NTRK1: variants seen among roughly 807,000 people sequenced by gnomAD.
NTRK1 encodes high affinity nerve growth factor receptor.
A neutral mutation model predicts 86.8 loss-of-function variants in NTRK1; 62 were observed. The ratio of observed to expected loss-of-function variants is 0.71; its 90% CI spans 0.58 to 0.88. NTRK1 has a LOEUF of 0.88. NTRK1 is among the 40% of genes least tolerant of loss of function. The pLI is 0.00. For synonymous variants in NTRK1, 469 were observed against 456.6 expected (o/e 1.03, Z -0.35); for missense variants, 967 against 1,078.4 (o/e 0.90, Z 1.45).
chr1:156,848,030 T>C (rs1655071008), intron 2 of NTRK1, among the ~76,000 whole-genome samples: 1 of 152,168 alleles, frequency 6.6e-6, no homozygotes, highest in Non-Finnish European at 1.5e-5. Flanking sequence ...ATGTGAATTC[T>C]TGGGCCCTGC....
intron 1 of NTRK1, among the ~76,000 whole-genome samples, chr1:156,823,681 G>T (rs910808178): frequency 1.3e-5 from 2 of 152,174 alleles, no homozygotes; most frequent in East Asian, 3.8e-4. Flanking sequence ...CAGGTATAGG[G>T]CTCAGTATCA....
chr1:156,866,567 C>T (rs1291236828), intron 3 of NTRK1, among the ~76,000 whole-genome samples: 1 of 152,204 alleles, frequency 6.6e-6, no homozygotes, highest in East Asian at 1.9e-4. Flanking sequence ...CACAGATGGA[C>T]CCCTTCCCCC....
At chr1:156,859,508 C>T (rs1002000706), upstream of NTRK1, among the ~76,000 whole-genome samples, 6 of 152,156 alleles carry the variant, frequency 3.9e-5, no homozygotes, top group Non-Finnish European at 7.4e-5. This position sits in a 1 kb window ranked among gnomAD's most constrained non-coding sequence, Gnocchi z 6.2. Flanking sequence ...CCCGGGAGAA[C>T]GTGGACAGCC....
At chr1:156,845,869 C>G (rs1218396386) in intron 2 of NTRK1, 8 of 1,597,738 alleles carry the variant, frequency 5.0e-6, no homozygotes, top group Non-Finnish European at 6.8e-6. Flanking sequence ...CGCCTCTGAT[C>G]CCCCCCACCT....
At chr1:156,860,023 G>A (rs1655557425), upstream of NTRK1, among the ~76,000 whole-genome samples, 1 of 152,222 alleles carries the variant, frequency 6.6e-6, no homozygotes. Flanking sequence ...TCCTGCGTCC[G>A]AGGAGCTAAG....
At chr1:156,816,087 G>C in intron 1 of NTRK1, 1 of 1,612,850 alleles carries the variant, frequency 6.2e-7, no homozygotes, top group Non-Finnish European at 8.5e-7. Flanking sequence ...TGGGGGCTTC[G>C]TGACTCCCTG....
chr1:156,876,242 C>T (rs1647896571), intron 13 of NTRK1, 32 bp downstream of exon 13: 1 of 1,613,320 alleles, frequency 6.2e-7, no homozygotes. Context: ...TACTGCTGGC[C>T]TGGGTCCCAC....
In NTRK1 at chr1:156,866,940, C is replaced by G. The variant is rs1655962239; in HGVS notation, c.390C>G (p.Leu130=). 1 of 1,614,268 alleles carries G rather than the reference C, an allele frequency of 6.2e-7. No homozygotes were observed. Among genetic ancestry groups the G allele is most frequent in the East Asian group, 2.2e-5 (1 of 44,880 alleles). Residue 130 remains leucine (L), a synonymous_variant, in exon 4 of 17, where the codon CTC becomes CTG. Coordinates refer to ENST00000524377, the MANE Select transcript of NTRK1 (RefSeq NM_002529.4). Reference sequence around the variant, plus strand: ...TCTCCTTCAACGCTCTGGAGTCTCTCTCCTGGAAAACTGTGCAGGGCCTCT... The same window carrying G: ...TCTCCTTCAACGCTCTGGAGTCTCTGTCCTGGAAAACTGTGCAGGGCCTCT... ...LNLSFNALES[L]SWKTVQGLSL...
At chr1:156,874,425 G>T in intron 9 of NTRK1, 25 bp downstream of exon 9, 1 of 1,614,108 alleles carries the variant, frequency 6.2e-7, no homozygotes, top group Non-Finnish European at 8.5e-7. Flanking sequence ...GTGGAGGGCA[G>T]GTTCTGCCTG....
At chr1:156,827,272 T>TA (rs1654343215) in intron 1 of NTRK1, among the ~76,000 whole-genome samples, 4 of 149,714 alleles carry the variant, frequency 2.7e-5, no homozygotes, top group African/African-American at 7.4e-5. Flanking sequence ...ATTTTTTTAT[T>TA]TTTTTTTGAG....
intron 2 of NTRK1, among the ~76,000 whole-genome samples, chr1:156,847,758 G>A (rs67549041): frequency 0.022 from 3,365 of 152,226 alleles, 49 homozygotes; most frequent in Non-Finnish European, 0.036. Flanking sequence ...TTTGGAGTCA[G>A]GATTGGGCAG....
In NTRK1 at chr1:156,868,413, G is replaced by A. The variant is rs949982364; in HGVS notation, c.575-92G>A. The A allele has an allele frequency of 1.4e-4, 221 of 1,541,836 alleles. 2 individuals are homozygous for A. The Middle Eastern group carries it at 3.0e-3, about 21-fold the overall frequency. On this transcript the variant is annotated intron_variant, in intron 5 of 16. Transcript: ENST00000524377. Reference sequence around the variant, plus strand: ...CATCGCCTGGGCTCCAGGTCATTGAGGAGGGTGGGGGAAGGAGCAGCCCCG... The same window carrying A: ...CATCGCCTGGGCTCCAGGTCATTGAAGAGGGTGGGGGAAGGAGCAGCCCCG...
intron 3 of NTRK1, among the ~76,000 whole-genome samples, chr1:156,865,612 CAGGGTCT>C (rs1558098586): frequency 6.6e-6 from 1 of 152,174 alleles, no homozygotes; most frequent in African/African-American, 2.4e-5. Flanking sequence ...TTTTAAGAGT[CAGGGTCT>C]CCCTCTGTTG....
chr1:156,854,689 T>C lies in NTRK1; in HGVS notation c.51-9665T>C, dbSNP rs1655347538. On this transcript the variant is annotated intron_variant, in intron 2 of 16. Transcript: ENST00000392302. This position sits in a 1 kb window ranked among gnomAD's most constrained non-coding sequence, Gnocchi z 4.2. Reference sequence around the variant, plus strand: ...GTCCTGTGGGTTTATCTTTAAAATATGTCCAGGATCTGAACTGCTTGTCAA... The same window carrying C: ...GTCCTGTGGGTTTATCTTTAAAATACGTCCAGGATCTGAACTGCTTGTCAA... 6.6e-6 allele frequency among the ~76,000 whole-genome samples: 1 copy of C among 152,202 alleles called. No individual in the cohort carries two copies. Among genetic ancestry groups the C allele is most frequent in the African/African-American group, 2.4e-5 (1 of 41,448 alleles).
intron 1 of NTRK1, among the ~76,000 whole-genome samples, chr1:156,829,405 A>G (rs1654406516): frequency 6.6e-6 from 1 of 152,132 alleles, no homozygotes; most frequent in Non-Finnish European, 1.5e-5. Flanking sequence ...GAGGAACTAA[A>G]AAGGCAGTGG....
At chr1:156,870,976 G>A (rs1333005452) in intron 6 of NTRK1, among the ~76,000 whole-genome samples, 2 of 152,222 alleles carry the variant, frequency 1.3e-5, no homozygotes, top group African/African-American at 4.8e-5. Flanking sequence ...GCTGCAGGAG[G>A]CGATGCCGCT....
At chr1:156,828,825 T>A (rs556305663) in intron 1 of NTRK1, among the ~76,000 whole-genome samples, 2 of 152,342 alleles carry the variant, frequency 1.3e-5, no homozygotes, top group South Asian at 4.1e-4. Context: ...TAACCCAGAC[T>A]AAGTCATTGT....
upstream of NTRK1, among the ~76,000 whole-genome samples, chr1:156,857,585 G>A (rs1033755087): frequency 6.6e-6 from 1 of 152,124 alleles, no homozygotes; most frequent in African/African-American, 2.4e-5. Flanking sequence ...TTCGGTGGTC[G>A]GGGGAGTGGT....
chr1:156,876,302 C>T (rs566339634), intron 13 of NTRK1, 92 bp downstream of exon 13: 1 of 1,609,608 alleles, frequency 6.2e-7, no homozygotes, highest in Non-Finnish European at 8.5e-7. Flanking sequence ...ATGCAGAGGG[C>T]TGACATGGCT....
Sources: gnomAD v4.1 joint callset for allele counts (sites outside exome capture counted in the v4.1 genomes callset) on GRCh38, gnomAD v4.1.1 for gene constraint, Gnocchi (gnomAD v3.1) non-coding constraint, MANE v1.5 for transcripts, NCBI Gene and HGNC (gene_info 2026-07-23, HGNC 2026-07-21) for gene names.